Variants in FIP1L1 observed in about 807,000 individuals in gnomAD.
FIP1L1 encodes pre-mRNA 3'-end-processing factor FIP1.
Under a neutral mutation model 84.6 loss-of-function variants are expected in FIP1L1, and 21 were observed. That is an observed-to-expected ratio of 0.25 (90% confidence interval 0.18 to 0.36). FIP1L1 has a LOEUF of 0.36. Ranked by LOEUF, FIP1L1 falls within the 10% of genes least tolerant of loss-of-function variation. FIP1L1 has a pLI of 1.00. For missense variants in FIP1L1, 526 were observed against 751.1 expected, an observed-to-expected ratio of 0.70 and a Z score of 3.50; for synonymous variants, 263 against 242.3, an observed-to-expected ratio of 1.09 and a Z score of -0.80.
chr4:53,377,970 C>G, intron 1 of FIP1L1, 47 bp downstream of exon 1: 1 of 1,456,618 alleles, frequency 6.9e-7, no homozygotes, highest in South Asian at 1.3e-5. Flanking sequence ...CAGGCCTCCC[C>G]TCTTGGCCCT....
intron 10 of FIP1L1, among the ~76,000 whole-genome samples, chr4:53,404,768 G>A (rs1163878945): frequency 2.0e-5 from 3 of 152,094 alleles, no homozygotes; most frequent in African/African-American, 4.8e-5. Context: ...GCCAGTGATG[G>A]TGAGCATTTT....
At chr4:53,459,148 A>T (rs191499800) in intron 17 of FIP1L1, among the ~76,000 whole-genome samples, 154 bp from the exon 18 acceptor site, 2 of 152,254 alleles carry the variant, frequency 1.3e-5, no homozygotes, top group Admixed American at 1.3e-4. Flanking sequence ...AAGTCACATA[A>T]AACTGATTAT....
rs991506009 is a variant in FIP1L1 at position 53,453,142 on chromosome 4, G to A, written c.1499+9G>A. 13 of 1,613,644 alleles carry A rather than the reference G, an allele frequency of 8.1e-6. No homozygotes were observed. In the African/African-American group the frequency reaches 1.3e-4, roughly 17 times the overall value. On this transcript the variant is annotated intron_variant, in intron 16 of 17. Transcript: ENST00000337488. ...CCAAGTGTTTTCAACAGGTTTGTTG[G>A]GTGTGCAGGAGTTTATACTATGTAT...
intron 13 of FIP1L1, among the ~76,000 whole-genome samples, chr4:53,436,337 C>T (rs1049265345): frequency 6.6e-6 from 1 of 152,194 alleles, no homozygotes; most frequent in Non-Finnish European, 1.5e-5. Flanking sequence ...TATTTGTCTC[C>T]AAGCTCACTC....
chr4:53,458,176 T>A (rs929017940), intron 16 of FIP1L1, among the ~76,000 whole-genome samples: 1 of 151,840 alleles, frequency 6.6e-6, no homozygotes, highest in African/African-American at 2.4e-5. Context: ...TTATTTGCTT[T>A]CTGTTTTGTA....
Position 53,419,372 on chromosome 4 carries a change from GT to G in FIP1L1, c.923+4651del, listed in dbSNP as rs546047531. 3.3e-4 allele frequency among the ~76,000 whole-genome samples: 51 copies of G among 152,292 alleles called. No homozygotes were observed. In the East Asian group the frequency reaches 9.6e-3, roughly 29 times the overall value. On this transcript the variant is annotated intron_variant, in intron 11 of 17. Coordinates refer to ENST00000337488, the MANE Select transcript of FIP1L1 (RefSeq NM_030917.4). Reference sequence around the variant, plus strand: ...TTGGTTATGCTAAGCCTGAATCCTAGTGCTGCCACTTTACAATGCAAAAGAG... The same window carrying G: ...TTGGTTATGCTAAGCCTGAATCCTAGGCTGCCACTTTACAATGCAAAAGAG...
chr4:53,429,857 A>G (rs1247375577), intron 13 of FIP1L1, among the ~76,000 whole-genome samples: 2 of 152,166 alleles, frequency 1.3e-5, no homozygotes, highest in Non-Finnish European at 2.9e-5. Flanking sequence ...GTTATTAATT[A>G]TAGTCACCAT....
At chr4:53,416,984 AATAT>A (rs1759777767) in intron 11 of FIP1L1, among the ~76,000 whole-genome samples, 1 of 152,100 alleles carries the variant, frequency 6.6e-6, no homozygotes, top group Admixed American at 6.5e-5. Flanking sequence ...AAATACTTAA[AATAT>A]GTTATTTTCA....
At chr4:53,411,569 A>G (rs1205633060) in intron 10 of FIP1L1, among the ~76,000 whole-genome samples, 1 of 152,144 alleles carries the variant, frequency 6.6e-6, no homozygotes, top group African/African-American at 2.4e-5. Context: ...GAAAACAGTA[A>G]ATGTTATTCA....
intron 16 of FIP1L1, among the ~76,000 whole-genome samples, chr4:53,454,924 A>G (rs1450318554): frequency 2.6e-5 from 4 of 152,176 alleles, no homozygotes; most frequent in Admixed American, 1.3e-4. Context: ...TTCATCAGTG[A>G]TTTTAGCTAG....
At chr4:53,429,520 A>C (rs957331917) in intron 13 of FIP1L1, among the ~76,000 whole-genome samples, 2 of 152,228 alleles carry the variant, frequency 1.3e-5, no homozygotes, top group African/African-American at 4.8e-5. Flanking sequence ...GATAAATAAA[A>C]GGTAGAAATA....
intron 5 of FIP1L1, among the ~76,000 whole-genome samples, chr4:53,384,349 C>T (rs950600173): frequency 9.2e-5 from 14 of 151,524 alleles, no homozygotes; most frequent in African/African-American, 2.7e-4. Context: ...GTGGAGGTTG[C>T]GGTGAACCCA....
intron 13 of FIP1L1, chr4:53,440,456 T>G (rs1560570800): frequency 1.7e-6 from 1 of 586,118 alleles, no homozygotes; most frequent in Non-Finnish European, 3.1e-6. Flanking sequence ...AATGGTTCTC[T>G]TGAGTGAATA....
chr4:53,460,334 GAGGT>G lies in FIP1L1; in HGVS notation c.*887_*890del. ...CGAGCATTTTTAGGGATAAGCCTAG[GAGGT>G]ATTCATCGGTGATGGTAACAAATAA... On this transcript the variant is annotated 3_prime_UTR_variant, in exon 18 of 18. Transcript: ENST00000337488. 5.3e-6 allele frequency: 1 copy of G among 190,132 alleles called. No individual in the cohort carries two copies. The allele number at this position is 190,132 out of a possible 1,614,324, so 11.8% of individuals were successfully genotyped here.
intron 16 of FIP1L1, among the ~76,000 whole-genome samples, chr4:53,457,008 T>A (rs1237413705): frequency 6.6e-6 from 1 of 152,148 alleles, no homozygotes; most frequent in Non-Finnish European, 1.5e-5. Flanking sequence ...ATTTATTTCC[T>A]ATGGTGCTAG....
At position 53,410,317 on chromosome 4, in the gene FIP1L1, C is replaced by T. The variant is rs1000315801; in HGVS notation, c.816-4298C>T. On this transcript the variant is annotated intron_variant, in intron 10 of 17. Transcript: ENST00000337488. ...CTGATTTGCTTCAAATGCCTAACAA[C>T]TGTAGAATGGTCGTTGAGTTCTTCG... is the stretch of plus-strand genomic sequence containing the variant. Among the ~76,000 whole-genome samples, 20 of 152,200 alleles carry T rather than the reference C, an allele frequency of 1.3e-4. 1 individual carries two copies.
At chr4:53,378,233 C>A in intron 1 of FIP1L1, 1 of 302,602 alleles carries the variant, frequency 3.3e-6, no homozygotes, top group Non-Finnish European at 6.1e-6. Flanking sequence ...CTGCTGCGCT[C>A]TTTACCCTTG....
intron 10 of FIP1L1, among the ~76,000 whole-genome samples, chr4:53,407,391 C>T (rs1408661514): frequency 6.6e-6 from 1 of 152,128 alleles, no homozygotes; most frequent in African/African-American, 2.4e-5. Context: ...GTTATAATTT[C>T]TGTTCTTTTA....
intron 15 of FIP1L1, among the ~76,000 whole-genome samples, chr4:53,444,396 G>A (rs761143001): frequency 6.6e-6 from 1 of 152,150 alleles, no homozygotes; most frequent in African/African-American, 2.4e-5. Context: ...TTCGTTGTTT[G>A]TAACGTTTCT....
Sources: allele counts gnomAD v4.1 joint callset (sites outside exome capture counted in the v4.1 genomes callset), GRCh38; gene constraint gnomAD v4.1.1; transcripts MANE v1.5; gene names NCBI Gene and HGNC (gene_info 2026-07-23, HGNC 2026-07-21).